The following SOS2 variants were observed in gnomAD, a reference collection of about 807,000 sequenced individuals.
The protein encoded by SOS2 is son of sevenless homolog 2.
SOS2 carries 65 observed loss-of-function variants against 148.2 expected under a neutral mutation model. The observed-to-expected ratio is 0.44, with a 90% confidence interval of 0.36 to 0.54. The LOEUF (loss-of-function observed/expected upper bound fraction) is 0.54, where lower values mean the gene tolerates loss of function less well. Ranked by LOEUF, SOS2 falls within the 20% of genes least tolerant of loss-of-function variation. The probability of loss-of-function intolerance (pLI) is 0.00; values close to 1 mark genes in which losing one functional copy is unlikely to be tolerated. For missense variants in SOS2, 1,341 were observed against 1,590.2 expected, an observed-to-expected ratio of 0.84 and a Z score of 2.67; for synonymous variants, 539 against 537.1, an observed-to-expected ratio of 1.00 and a Z score of -0.05.
intron 21 of SOS2, among the ~76,000 whole-genome samples, chr14:50,126,107 T>C (rs552948095): frequency 2.0e-5 from 3 of 152,158 alleles, no homozygotes; most frequent in African/African-American, 7.2e-5. Context: ...CATTCTAAAA[T>C]ATGAACAGAA....
chr14:50,182,952 C>A (rs1209799272), intron 5 of SOS2, among the ~76,000 whole-genome samples: 1 of 152,202 alleles, frequency 6.6e-6, no homozygotes, highest in Non-Finnish European at 1.5e-5. Context: ...ATTTCTTTAA[C>A]TAGCATATCT....
intron 16 of SOS2, among the ~76,000 whole-genome samples, 167 bp from the exon 17 acceptor site, chr14:50,140,226 CTCTT>C (rs531822638): frequency 7.8e-4 from 119 of 152,246 alleles, no homozygotes; most frequent in African/African-American, 2.6e-3. Flanking sequence ...GATTTCTCCT[CTCTT>C]TATCTATAAA....
At chr14:50,132,797 T>G (rs1489196157) in intron 19 of SOS2, among the ~76,000 whole-genome samples, 2 of 152,164 alleles carry the variant, frequency 1.3e-5, no homozygotes, top group Non-Finnish European at 2.9e-5. Flanking sequence ...TTGAGAAAGT[T>G]AGCCAAAGCT....
chr14:50,150,202 T>C lies in SOS2; in HGVS notation c.2190A>G (p.Ser730=), dbSNP rs1424881275. 3 of 1,612,220 alleles carry C rather than the reference T, an allele frequency of 1.9e-6. No individual in the cohort carries two copies. Among genetic ancestry groups the C allele is most frequent in the African/African-American group, 2.7e-5 (2 of 74,904 alleles). Residue 730 remains serine, a synonymous_variant, in exon 14 of 23, where the codon TCA becomes TCG. Transcript: ENST00000216373. ...TCTTCCTCCTGATGATCTTAGCAAT[T>C]GACTCTACCCATTTTTTCATAGCTT... is the stretch of plus-strand genomic sequence containing the variant. ...RGKAMKKWVE[S]IAKIIRRKKQ...
chr14:50,183,198 T>C (rs1219167950), intron 5 of SOS2, among the ~76,000 whole-genome samples: 3 of 152,178 alleles, frequency 2.0e-5, no homozygotes, highest in African/African-American at 7.2e-5. Flanking sequence ...ATGCCCCCCT[T>C]ACACCCATGA....
At chr14:50,131,214 G>T (rs1222033006) in intron 19 of SOS2, among the ~76,000 whole-genome samples, 1 of 151,996 alleles carries the variant, frequency 6.6e-6, no homozygotes, top group Non-Finnish European at 1.5e-5. Flanking sequence ...AAAATCTTTG[G>T]AGAAAATTCC....
chr14:50,191,796 A>T (rs1886148691), intron 4 of SOS2, among the ~76,000 whole-genome samples: 1 of 152,162 alleles, frequency 6.6e-6, no homozygotes, highest in African/African-American at 2.4e-5. Flanking sequence ...TTTCATGAAA[A>T]GTCTGGGATT....
intron 1 of SOS2, among the ~76,000 whole-genome samples, chr14:50,220,253 A>T (rs1365781661): frequency 6.6e-6 from 1 of 150,630 alleles, no homozygotes; most frequent in East Asian, 1.9e-4. Context: ...ACAAAAAAAA[A>T]AACTTAGCTG....
rs998046051 is a variant in SOS2, at chr14:50,118,238, A to G, written c.*106T>C. The stretch of plus-strand genomic sequence containing the variant: ...ATTTGATCAGTAGCATTTTTGTAAG[A>G]GCATTATTTGTAAAAAGTACTAAAA... On this transcript the variant is annotated 3_prime_UTR_variant, in exon 23 of 23. Transcript: ENST00000216373. 9.8e-6 allele frequency: 9 copies of G among 918,652 alleles called. No individual in the cohort carries two copies. The highest frequency in any genetic ancestry group is 2.6e-4 in the Middle Eastern group (1 of 3,796). 56.9% of individuals were successfully genotyped at this position (918,652 alleles called of 1,614,324 possible). A position where few individuals can be genotyped will look rare whatever the true frequency, so the allele number is the denominator to read the frequency against.
chr14:50,126,221 A>T (rs1002004515), intron 21 of SOS2, among the ~76,000 whole-genome samples: 3 of 152,000 alleles, frequency 2.0e-5, no homozygotes, highest in Non-Finnish European at 4.4e-5. Context: ...AACAAAACAA[A>T]TTTTTTTTCA....
intron 12 of SOS2, among the ~76,000 whole-genome samples, chr14:50,155,495 G>T (rs1884784193): frequency 6.6e-6 from 1 of 152,050 alleles, no homozygotes; most frequent in Admixed American, 6.6e-5. Context: ...ACATCCTTTA[G>T]GGGCAGTCTC....
chr14:50,178,698 A>ATATATG (rs1885618574), intron 7 of SOS2, among the ~76,000 whole-genome samples: 1 of 47,336 alleles, frequency 2.1e-5, no homozygotes, highest in African/African-American at 9.1e-5. Context: ...ATATATATAT[A>ATATATG]TATATATATA....
intron 1 of SOS2, among the ~76,000 whole-genome samples, chr14:50,222,997 TAA>T (rs1298100349): frequency 6.6e-6 from 1 of 152,058 alleles, no homozygotes; most frequent in Non-Finnish European, 1.5e-5. Context: ...TTCCAGGTGG[TAA>T]AAGTCAAAAA....
At chr14:50,122,273 C>G (rs914893568) in intron 21 of SOS2, among the ~76,000 whole-genome samples, 4 of 151,794 alleles carry the variant, frequency 2.6e-5, no homozygotes, top group African/African-American at 9.7e-5. Flanking sequence ...TATAATTTGA[C>G]TGAACAAAGA....
At chr14:50,197,121 G>A (rs1162940319) in intron 4 of SOS2, among the ~76,000 whole-genome samples, 1 of 152,066 alleles carries the variant, frequency 6.6e-6, no homozygotes, top group Non-Finnish European at 1.5e-5. Flanking sequence ...CCAAAGTGCT[G>A]GGATTACAGG....
Position 50,201,081 on chromosome 14 carries a change from G to A in SOS2, c.217C>T (p.Arg73Ter), listed in dbSNP as rs1475534419. 6.2e-7 allele frequency: 1 copy of A among 1,613,234 alleles called. No homozygotes were observed. The change falls in exon 3 of 23, where the codon CGA (arginine) becomes TGA (stop). Residue 73 changes from arginine (R) to a stop codon, truncating the protein, a stop_gained. Coordinates refer to ENST00000216373, the MANE Select transcript of SOS2 (RefSeq NM_006939.4). LOFTEE classifies it high-confidence loss of function. ...QPRTVQDVEE[R>*]VQKTFPHPID... ...GGGTGAGGAAAGGTCTTCTGAACTC[G>A]CTCCTGCTCAATCACAGCAGAACCA...
chr14:50,215,660 G>A (rs985863690), intron 1 of SOS2, among the ~76,000 whole-genome samples: 1 of 152,080 alleles, frequency 6.6e-6, no homozygotes, highest in African/African-American at 2.4e-5. Flanking sequence ...CACCAGCATG[G>A]CACATGTATA....
intron 1 of SOS2, among the ~76,000 whole-genome samples, chr14:50,229,865 T>C (rs995512105): frequency 1.3e-5 from 2 of 152,178 alleles, no homozygotes; most frequent in Admixed American, 1.3e-4. Flanking sequence ...ATCTAGGCAT[T>C]TCCCCCTTTG....
intron 9 of SOS2, among the ~76,000 whole-genome samples, chr14:50,161,030 G>C (rs924883683): frequency 2.0e-5 from 3 of 150,358 alleles, no homozygotes; most frequent in African/African-American, 4.9e-5. Flanking sequence ...AGAAAAAAAG[G>C]CTGGGCGCAG....
Sources: allele counts gnomAD v4.1 joint callset (sites outside exome capture counted in the v4.1 genomes callset), GRCh38; gene constraint gnomAD v4.1.1; transcripts MANE v1.5; gene names NCBI Gene and HGNC (gene_info 2026-07-23, HGNC 2026-07-21).